The following WIPF3 variants were observed in gnomAD, a reference collection of about 807,000 sequenced individuals.
WIPF3 encodes WAS/WASL interacting protein family member 3, also known as WAS/WASL-interacting protein family member 3.
A neutral mutation model predicts 38.9 loss-of-function variants in WIPF3; 33 were observed. The observed-to-expected ratio is 0.85, with a 90% CI of 0.64 to 1.14. WIPF3 has a LOEUF of 1.14. Ranked by LOEUF, WIPF3 falls within the 50% of genes most tolerant of loss-of-function variation. The pLI is 0.00. For missense variants in WIPF3, 711 were observed against 652.5 expected (o/e 1.09, Z -0.98); for synonymous variants, 324 against 269.3 (o/e 1.20, Z -1.99).
intron 8 of WIPF3, among the ~76,000 whole-genome samples, chr7:29,907,285 A>T (rs911525819): frequency 1.3e-5 from 2 of 152,238 alleles, no homozygotes; most frequent in Non-Finnish European, 2.9e-5. Context: ...AGACTAGTGT[A>T]TTTAAAAGAC....
chr7:29,846,044 A>G (rs1253236091), intron 2 of WIPF3, among the ~76,000 whole-genome samples: 1 of 152,272 alleles, frequency 6.6e-6, no homozygotes, highest in Non-Finnish European at 1.5e-5. Flanking sequence ...AAATTAAAAA[A>G]GAACACCCTC....
intron 2 of WIPF3, among the ~76,000 whole-genome samples, chr7:29,860,381 G>A (rs767982496): frequency 6.6e-6 from 1 of 152,078 alleles, no homozygotes; most frequent in Non-Finnish European, 1.5e-5. Flanking sequence ...TGCTGTATTA[G>A]TTCCCTCCAA....
intron 1 of WIPF3, among the ~76,000 whole-genome samples, chr7:29,820,833 T>A (rs925357185): frequency 6.6e-6 from 1 of 152,234 alleles, no homozygotes; most frequent in Non-Finnish European, 1.5e-5. Context: ...ACTTTAAAGG[T>A]ATTATGCTTG....
At chr7:29,851,819 C>T (rs1398711281) in intron 2 of WIPF3, among the ~76,000 whole-genome samples, 1 of 152,184 alleles carries the variant, frequency 6.6e-6, no homozygotes, top group East Asian at 1.9e-4. Context: ...TTTCTGTGCC[C>T]TTCACCCTTC....
intron 1 of WIPF3, among the ~76,000 whole-genome samples, chr7:29,810,234 C>A (rs1228504059): frequency 3.9e-5 from 6 of 152,236 alleles, no homozygotes; most frequent in Non-Finnish European, 7.3e-5. Flanking sequence ...GGCTGACTTA[C>A]TCTCAGAATG....
intron 7 of WIPF3, among the ~76,000 whole-genome samples, chr7:29,900,785 C>T (rs1173233198): frequency 6.6e-6 from 1 of 152,236 alleles, no homozygotes; most frequent in East Asian, 1.9e-4. Context: ...CTGTTTACAG[C>T]TGGTGGCAAA....
chr7:29,841,308 C>T (rs529817601), intron 2 of WIPF3, among the ~76,000 whole-genome samples: 8 of 152,256 alleles, frequency 5.3e-5, no homozygotes, highest in African/African-American at 1.9e-4. Flanking sequence ...CTACCTCTCT[C>T]CCCTCACCCC....
intron 4 of WIPF3, among the ~76,000 whole-genome samples, chr7:29,883,117 A>G (rs938812311): frequency 6.6e-6 from 1 of 152,210 alleles, no homozygotes; most frequent in African/African-American, 2.4e-5. Context: ...TCAAGAGCCA[A>G]TGGTTGTTGT....
chr7:29,901,994 A>G (rs985499574), intron 7 of WIPF3, among the ~76,000 whole-genome samples: 17 of 152,094 alleles, frequency 1.1e-4, no homozygotes, highest in Admixed American at 1.3e-4. Flanking sequence ...TTGGGTTGTT[A>G]CAAGTGGCCA....
rs1032287438 is a variant in WIPF3 at position 29,844,988 on chromosome 7, A to G, written c.90+10174A>G. ...TCCCCATACCTTGGCCAGAGCTTCC[A>G]CATTTCCTCCAAGCTGCCTCCTGAG... On this transcript the variant is annotated intron_variant, in intron 2 of 8. Transcript: ENST00000242140. The surrounding 1 kb of genome is among the most constrained non-coding windows in gnomAD (Gnocchi z 4.8). 2.7e-5 allele frequency among the ~76,000 whole-genome samples: 4 copies of G among 150,132 alleles called. No individual in the cohort carries two copies. Among genetic ancestry groups the G allele is most frequent in the African/African-American group, 9.8e-5 (4 of 40,842 alleles).
chr7:29,875,938 G>A lies in WIPF3; in HGVS notation c.199G>A (p.Asp67Asn). The A allele has an allele frequency of 1.9e-6, 3 of 1,613,934 alleles. No homozygotes were observed. Among genetic ancestry groups the A allele is most frequent in the Non-Finnish European group, 2.5e-6 (3 of 1,179,866 alleles). ...CCTGCGCAAAGTCACGCAGATCAAC[G>A]ACCGCAGTGCCCCGCAGATCGAGAG... ...TRLRKVTQIN[D>N]RSAPQIESSK... Residue 67 changes from aspartate to asparagine, a missense_variant, in exon 3 of 9, where the codon GAC becomes AAC. By Grantham distance (23) the Asp-to-Asn change is conservative. Transcript: ENST00000242140.
intron 4 of WIPF3, among the ~76,000 whole-genome samples, chr7:29,883,197 C>G (rs1785759843): frequency 1.3e-5 from 2 of 152,164 alleles, no homozygotes; most frequent in South Asian, 4.1e-4. Context: ...ATGAGAAAGC[C>G]AAAACCCTTG....
At chr7:29,851,224 G>A (rs146931332) in intron 2 of WIPF3, among the ~76,000 whole-genome samples, 1 of 152,178 alleles carries the variant, frequency 6.6e-6, no homozygotes, top group South Asian at 2.1e-4. Context: ...GACTGGAGGT[G>A]GGGGACGGAG....
At position 29,884,425 on chromosome 7, in the gene WIPF3, C is replaced by G. The variant is rs200878248; in HGVS notation, c.931C>G (p.Pro311Ala). The change falls in exon 5 of 9, where the codon CCC (proline) becomes GCC (alanine). Residue 311 changes from proline (P) to alanine (A), a missense_variant. Pro to Ala is a conservative substitution (Grantham distance 27, BLOSUM62 -1). Coordinates refer to ENST00000242140, the MANE Select transcript of WIPF3 (RefSeq NM_001080529.3). The stretch of plus-strand genomic sequence containing the variant: ...CTCCCCGAGGGCTTCTTTGCCCGCG[C>G]CCCCTTTGCCAGGAGTTAATAGCAG... ...SCSPRASLPA[P>A]PLPGVNSSSE... is the part of the protein sequence containing the mutation. The G allele has an allele frequency of 2.0e-6, 3 of 1,493,174 alleles. No homozygotes were observed. The South Asian group carries it at 3.7e-5, about 18-fold the overall frequency. The allele number at this position is 1,493,174 out of a possible 1,614,324, so 92.5% of individuals were successfully genotyped here.
At chr7:29,851,402 A>G (rs1785094117) in intron 2 of WIPF3, among the ~76,000 whole-genome samples, 1 of 151,972 alleles carries the variant, frequency 6.6e-6, no homozygotes, top group South Asian at 2.1e-4. Flanking sequence ...TTTTTGACCG[A>G]ATCTTTTCAA....
chr7:29,891,733 C>T (rs1786029368), intron 7 of WIPF3, among the ~76,000 whole-genome samples: 1 of 152,188 alleles, frequency 6.6e-6, no homozygotes, highest in Non-Finnish European at 1.5e-5. Context: ...CCACCACGCA[C>T]CCACCACCCT....
rs568000804 is a variant in WIPF3 at position 29,894,251 on chromosome 7, G to A, written c.1351+4844G>A. Among the ~76,000 whole-genome samples the A allele has an allele frequency of 1.2e-4, 18 of 152,200 alleles. No homozygotes were observed. In the South Asian group the frequency reaches 3.3e-3, roughly 28 times the overall value. On this transcript the variant is annotated intron_variant, in intron 7 of 8. Coordinates refer to ENST00000242140, the MANE Select transcript of WIPF3 (RefSeq NM_001080529.3). ...TTTTATGTCCGTGGTGCTCACTCGCGTCCTCAAGAAGAGAAGAAAAGCTAC... is the reference window on the plus strand; with the variant it reads ...TTTTATGTCCGTGGTGCTCACTCGCATCCTCAAGAAGAGAAGAAAAGCTAC...
Position 29,884,545 on chromosome 7 carries a change from C to T in WIPF3, c.1051C>T (p.Pro351Ser), listed in dbSNP as rs771757055. The change falls in exon 5 of 9, where the codon CCT becomes TCT. Residue 351 changes from proline (P) to serine (S), a missense_variant. Coordinates refer to ENST00000242140, the MANE Select transcript of WIPF3 (RefSeq NM_001080529.3). ...GAQALPAPPA[P>S]PGSQPFLQKK... ...GCAGGCCTTGCCCGCCCCGCCTGCC[C>T]CTCCGGGCTCCCAGCCGTTCCTGCA... The T allele has an allele frequency of 3.1e-6, 5 of 1,600,742 alleles. No individual in the cohort carries two copies. In the African/African-American group the frequency reaches 4.0e-5, roughly 13 times the overall value.
At chr7:29,824,292 G>A (rs1784582250) in intron 1 of WIPF3, among the ~76,000 whole-genome samples, 1 of 152,210 alleles carries the variant, frequency 6.6e-6, no homozygotes, top group African/African-American at 2.4e-5. Flanking sequence ...CTGGGTGACA[G>A]AGCGAGACTC....
Sources: allele counts gnomAD v4.1 joint callset (sites outside exome capture counted in the v4.1 genomes callset), GRCh38; gene constraint gnomAD v4.1.1; non-coding constraint Gnocchi (gnomAD v3.1); transcripts MANE v1.5; gene names NCBI Gene and HGNC (gene_info 2026-07-23, HGNC 2026-07-21).